SCAND1: variants seen among roughly 807,000 people sequenced by gnomAD.
SCAND1 encodes the protein SCAN domain-containing protein 1.
In SCAND1, 3 loss-of-function variants were observed where a neutral mutation model predicts 3.4. The observed-to-expected ratio is 0.87, with a 90% CI of 0.40 to 2.25. The LOEUF is 2.25. SCAND1 is among the 30% of genes most tolerant of loss of function. SCAND1 has a pLI of 0.05. For synonymous variants in SCAND1, 152 were observed against 120.5 expected, an observed-to-expected ratio of 1.26 and a Z score of -1.72; for missense variants, 303 against 258.8, an observed-to-expected ratio of 1.17 and a Z score of -1.17.
intron 1 of SCAND1, 23 bp downstream of exon 1, chr20:35,954,425 G>T: frequency 6.4e-7 from 1 of 1,550,852 alleles, no homozygotes; most frequent in Non-Finnish European, 8.7e-7. Context: ...ACTCGGGACC[G>T]GCCGAGAGTG....
upstream of SCAND1, chr20:35,954,531 G>A (rs891243566): frequency 1.3e-6 from 2 of 1,517,968 alleles, no homozygotes; most frequent in South Asian, 2.4e-5. Context: ...GCACCCGGAA[G>A]CCGCTTGCGG....
At chr20:35,954,398 A>G (rs2056223672) in intron 1 of SCAND1, 50 bp downstream of exon 1, 2 of 1,559,074 alleles carry the variant, frequency 1.3e-6, no homozygotes, top group Non-Finnish European at 1.7e-6. Context: ...AGCTCGCGTC[A>G]CCCTTGAGGG....
chr20:35,957,164 T>C (rs139256180), upstream of SCAND1, among the ~76,000 whole-genome samples: 49 of 152,280 alleles, frequency 3.2e-4, no homozygotes, highest in African/African-American at 1.0e-3. Flanking sequence ...ATTAGAATCA[T>C]TGAATGTCAG....
At chr20:35,956,663 G>T (rs1439718393), upstream of SCAND1, among the ~76,000 whole-genome samples, 1 of 152,150 alleles carries the variant, frequency 6.6e-6, no homozygotes, top group Non-Finnish European at 1.5e-5. Context: ...CTCAGTAGTT[G>T]GGTTTGCTGC....
At chr20:35,958,603 A>G (rs1456525302), upstream of SCAND1, among the ~76,000 whole-genome samples, 1 of 152,118 alleles carries the variant, frequency 6.6e-6, no homozygotes, top group African/African-American at 2.4e-5. Context: ...CAATCCACAG[A>G]CTTTATTCAC....
At position 35,954,172 on chromosome 20, in the gene SCAND1, G is replaced by A. The variant is rs765631441; in HGVS notation, c.113C>T (p.Ser38Phe). 30 of 1,607,678 alleles carry A rather than the reference G, an allele frequency of 1.9e-5. No individual in the cohort carries two copies. The Admixed American group carries it at 2.5e-4, about 13-fold the overall frequency. ...SSAPERNCVG[S>F]SLPEASPPAP... ...AGGCGGTGAGGCCTCTGGCAGCGAG[G>A]AGCCCACACAGTTACGCTCAGGGGC... The change falls in exon 2 of 2, where the codon TCC becomes TTC. Residue 38 changes from serine to phenylalanine, a missense_variant. Ser to Phe is a radical substitution (Grantham distance 155, BLOSUM62 -2). Transcript: ENST00000305978.
chr20:35,956,322 G>C (rs958150619), upstream of SCAND1, among the ~76,000 whole-genome samples: 1 of 152,074 alleles, frequency 6.6e-6, no homozygotes, highest in Non-Finnish European at 1.5e-5. Flanking sequence ...GTAAAAATTG[G>C]GAGATTTCAC....
upstream of SCAND1, among the ~76,000 whole-genome samples, chr20:35,955,881 G>A (rs898600962): frequency 6.6e-6 from 1 of 152,028 alleles, no homozygotes; most frequent in Admixed American, 6.6e-5. Context: ...CACCACACCC[G>A]GCTAATATTT....
At chr20:35,955,763 GTTTTGTTTTTGT>G (rs797002811), upstream of SCAND1, among the ~76,000 whole-genome samples, 1 of 152,114 alleles carries the variant, frequency 6.6e-6, no homozygotes, top group Non-Finnish European at 1.5e-5. Context: ...CTCACAAATA[GTTTTGTTTTTGT>G]TTTTGTTTTT....
At chr20:35,954,725 C>T (rs1414772672), upstream of SCAND1, 3 of 898,510 alleles carry the variant, frequency 3.3e-6, no homozygotes, top group Non-Finnish European at 4.5e-6. Context: ...AAGTCCCGGA[C>T]CTTATCCGTG....
chr20:35,954,744 C>G, upstream of SCAND1: 1 of 740,808 alleles, frequency 1.3e-6, no homozygotes, highest in African/African-American at 1.9e-5. Context: ...TGCGCCGCTT[C>G]GGTTTGCAGG....
At position 35,953,678 on chromosome 20, in the gene SCAND1, C is replaced by G; in HGVS notation, c.*67G>C. The G allele has an allele frequency of 9.1e-7, 1 of 1,104,078 alleles. No individual in the cohort carries two copies. The highest frequency in any genetic ancestry group is 1.2e-6 in the Non-Finnish European group (1 of 828,998). The allele number at this position is 1,104,078 out of a possible 1,614,324, so 68.4% of individuals were successfully genotyped here. A position where few individuals can be genotyped will look rare whatever the true frequency, so the allele number is the denominator to read the frequency against. On this transcript the variant is annotated 3_prime_UTR_variant, in exon 2 of 2. Coordinates refer to ENST00000305978, the MANE Select transcript of SCAND1 (RefSeq NM_033630.3). ...ACGGGGTGGGGTCCCAGGCTCAGGCCCCCGGGCCCGATCATGGCCCCAGTC... is the reference window on the plus strand; with the variant it reads ...ACGGGGTGGGGTCCCAGGCTCAGGCGCCCGGGCCCGATCATGGCCCCAGTC...
In SCAND1 at chr20:35,954,261, C is replaced by T; in HGVS notation, c.24G>A (p.Leu8=). The T allele has an allele frequency of 6.2e-7, 1 of 1,613,074 alleles. No individual in the cohort carries two copies. Among genetic ancestry groups the T allele is most frequent in the South Asian group, 1.1e-5 (1 of 91,082 alleles). The part of the protein sequence containing the change: MAATEPI[L]AATGSPAAVP... ...CCGCCGCGGGACTCCCAGTGGCCGC[C>T]AAGATCGGCTCCGTAGCCGCCATAA... is the stretch of plus-strand genomic sequence containing the variant. Residue 8 remains leucine, a synonymous_variant, in exon 2 of 2, where the codon TTG becomes TTA. Transcript: ENST00000305978.
chr20:35,957,675 T>C (rs2056270438), upstream of SCAND1: 1 of 152,250 alleles, frequency 6.6e-6, no homozygotes, highest in Non-Finnish European at 1.5e-5. Context: ...AGTCCCAGAT[T>C]AAGCTTAAAA....
upstream of SCAND1, chr20:35,954,917 C>T (rs771606119): frequency 8.2e-6 from 2 of 243,416 alleles, no homozygotes; most frequent in Non-Finnish European, 1.8e-5. Flanking sequence ...ACCATTCTCT[C>T]GGGAGGGGCC....
chr20:35,955,300 A>G (rs2056243277), upstream of SCAND1: 1 of 152,302 alleles, frequency 6.6e-6, no homozygotes, highest in South Asian at 2.1e-4. Context: ...AATACTTTTT[A>G]ATACTGATTA....
upstream of SCAND1, chr20:35,955,171 G>C (rs2056241134): frequency 6.1e-6 from 1 of 165,274 alleles, no homozygotes; most frequent in Non-Finnish European, 1.5e-5. Context: ...CTGGCCTCCT[G>C]AGTTGACTCA....
rs1031511081 is a variant in SCAND1 at position 35,954,000 on chromosome 20, T to C, written c.285A>G (p.Pro95=). 5.8e-6 allele frequency: 9 copies of C among 1,549,004 alleles called. No homozygotes were observed. The highest frequency in any genetic ancestry group is 2.7e-5 in the African/African-American group (2 of 73,018). Residue 95 remains proline, a synonymous_variant, in exon 2 of 2, where the codon CCA becomes CCG. Coordinates refer to ENST00000305978, the MANE Select transcript of SCAND1 (RefSeq NM_033630.3). The part of the protein sequence containing the change: ...PQAEAEARST[P]GPAGSRLGPE... Reference sequence around the variant, plus strand: ...GACCGAGTCTAGAGCCGGCGGGGCCTGGTGTGGAGCGCGCTTCAGCTTCGG... The same window carrying C: ...GACCGAGTCTAGAGCCGGCGGGGCCCGGTGTGGAGCGCGCTTCAGCTTCGG...
upstream of SCAND1, among the ~76,000 whole-genome samples, chr20:35,956,215 G>A (rs1309939892): frequency 6.6e-6 from 1 of 152,190 alleles, no homozygotes; most frequent in African/African-American, 2.4e-5. Flanking sequence ...TGTTTCCTTT[G>A]GATGGGTAGA....
Sources: allele counts gnomAD v4.1 joint callset (sites outside exome capture counted in the v4.1 genomes callset), GRCh38; gene constraint gnomAD v4.1.1; transcripts MANE v1.5; gene names NCBI Gene and HGNC (gene_info 2026-07-23, HGNC 2026-07-21).